SND1: variants seen among roughly 807,000 people sequenced by gnomAD.
SND1 encodes the protein staphylococcal nuclease domain-containing protein 1.
In SND1, 38 loss-of-function variants were observed where a neutral mutation model predicts 121.7. The ratio of observed to expected loss-of-function variants is 0.31; its 90% CI spans 0.24 to 0.41. SND1 has a LOEUF of 0.41. SND1 is among the 10% of genes least tolerant of loss of function. The pLI, the probability that SND1 is intolerant of heterozygous loss-of-function variation, is 1.00. For missense variants in SND1, 868 were observed against 1,184.6 expected, an observed-to-expected ratio of 0.73 and a Z score of 3.92; for synonymous variants, 401 against 447.4, an observed-to-expected ratio of 0.90 and a Z score of 1.31.
intron 5 of SND1, 110 bp downstream of exon 5, chr7:127,701,433 G>C (rs1003643825): frequency 8.9e-7 from 1 of 1,117,898 alleles, no homozygotes; most frequent in African/African-American, 1.6e-5. Context: ...TACTTATTTA[G>C]TATCCATGGG....
rs1267915857 is a variant in SND1 at position 127,964,863 on chromosome 7, G to C, written c.1670-26084G>C. The stretch of plus-strand genomic sequence containing the variant: ...CCTTGGGCAGTATGGCCATTTTCAC[G>C]ATATTGATTCTTCCTACCCATGAGC... On this transcript the variant is annotated intron_variant, in intron 15 of 23. Coordinates refer to ENST00000354725, the MANE Select transcript of SND1 (RefSeq NM_014390.4). 4.7e-4 allele frequency among the ~76,000 whole-genome samples: 43 copies of C among 91,612 alleles called. No homozygotes were observed. The East Asian group carries it at 0.01, about 21-fold the overall frequency. The allele number at this position is 91,612 out of a possible 152,430, so 60.1% of individuals were successfully genotyped here.
At chr7:127,752,458 T>C (rs1277120066) in intron 10 of SND1, among the ~76,000 whole-genome samples, 1 of 152,250 alleles carries the variant, frequency 6.6e-6, no homozygotes, top group Non-Finnish European at 1.5e-5. Flanking sequence ...CTTTCACTGC[T>C]GGACAGGCTG....
intron 10 of SND1, among the ~76,000 whole-genome samples, chr7:127,743,619 T>G (rs1020453415): frequency 4.6e-5 from 7 of 152,212 alleles, no homozygotes; most frequent in Admixed American, 4.6e-4. Flanking sequence ...TTAAAGTGAT[T>G]GGATTCAGTA....
chr7:127,944,392 G>A (rs1362973438), intron 15 of SND1, among the ~76,000 whole-genome samples: 1 of 152,184 alleles, frequency 6.6e-6, no homozygotes, highest in South Asian at 2.1e-4. Flanking sequence ...ATGAATGACC[G>A]AGTCTGTGCA....
intron 17 of SND1, 137 bp from the exon 18 acceptor site, chr7:128,081,223 C>A: frequency 9.9e-7 from 1 of 1,011,672 alleles, no homozygotes; most frequent in South Asian, 1.5e-5. Context: ...GTCTTGAACT[C>A]CTAACCTCGT....
At chr7:128,034,020 A>G (rs1406051924) in intron 16 of SND1, among the ~76,000 whole-genome samples, 2 of 152,202 alleles carry the variant, frequency 1.3e-5, no homozygotes, top group Admixed American at 1.3e-4. Flanking sequence ...TCTCCATTTC[A>G]CAGATGAAGG....
chr7:127,728,659 G>A (rs1280911586), intron 10 of SND1, among the ~76,000 whole-genome samples: 1 of 152,238 alleles, frequency 6.6e-6, no homozygotes. Flanking sequence ...GGCCAGGAAT[G>A]GCAGGGTCTT....
intron 5 of SND1, 145 bp from the exon 6 acceptor site, chr7:127,702,290 C>T (rs753194038): frequency 2.8e-5 from 19 of 673,090 alleles, no homozygotes; most frequent in Non-Finnish European, 4.8e-5. Context: ...CTCTCATGAT[C>T]TGCAAGTGCA....
intron 9 of SND1, among the ~76,000 whole-genome samples, chr7:127,709,966 C>T (rs570522441): frequency 3.3e-5 from 5 of 151,694 alleles, no homozygotes; most frequent in Non-Finnish European, 1.5e-5. Flanking sequence ...ACATGAAACA[C>T]TATGACTTGG....
At chr7:127,824,672 T>C (rs1414896502) in intron 11 of SND1, among the ~76,000 whole-genome samples, 1 of 152,226 alleles carries the variant, frequency 6.6e-6, no homozygotes, top group Non-Finnish European at 1.5e-5. Context: ...TCCTTTAATG[T>C]TTGCACATAT....
Position 128,064,043 on chromosome 7 carries a change from A to AT in SND1, c.1780-10448dup, listed in dbSNP as rs569611869. ...AAGGGTGAAGTGATCAGATTGGGAA[A>AT]TTTTTTTTTTTAAGTAACAACATTT... On this transcript the variant is annotated intron_variant, in intron 16 of 23. Coordinates refer to ENST00000354725, the MANE Select transcript of SND1 (RefSeq NM_014390.4). 3.0e-3 allele frequency among the ~76,000 whole-genome samples: 443 copies of AT among 149,834 alleles called. 6 individuals are homozygous for AT. Among genetic ancestry groups the AT allele is most frequent in the Non-Finnish European group, 3.2e-3 (218 of 67,202 alleles).
chr7:128,026,255 G>GCTTT (rs1331456897), intron 16 of SND1, among the ~76,000 whole-genome samples: 6 of 152,164 alleles, frequency 3.9e-5, no homozygotes, highest in Non-Finnish European at 8.8e-5. Context: ...TGGTGATAAA[G>GCTTT]GAGAGGCAGG....
At chr7:128,041,351 G>A (rs556694780) in intron 16 of SND1, among the ~76,000 whole-genome samples, 1 of 152,252 alleles carries the variant, frequency 6.6e-6, no homozygotes, top group Admixed American at 6.5e-5. Flanking sequence ...CCAGCCCAGC[G>A]CCCACACCAC....
intron 11 of SND1, among the ~76,000 whole-genome samples, chr7:127,839,618 A>G (rs1452473176): frequency 6.6e-6 from 1 of 152,202 alleles, no homozygotes; most frequent in Non-Finnish European, 1.5e-5. Flanking sequence ...ATACTAAACT[A>G]TTCCAGACTT....
chr7:128,041,503 G>A (rs1046019229), intron 16 of SND1, among the ~76,000 whole-genome samples: 1 of 152,238 alleles, frequency 6.6e-6, no homozygotes, highest in African/African-American at 2.4e-5. Context: ...CTTGCTCCAC[G>A]TTTTTAGAGG....
intron 16 of SND1, among the ~76,000 whole-genome samples, chr7:128,053,531 CTG>C (rs1233972254): frequency 6.6e-6 from 1 of 152,122 alleles, no homozygotes; most frequent in Non-Finnish European, 1.5e-5. Flanking sequence ...ACCTGGAAAA[CTG>C]TGGAACACAA....
chr7:127,688,100 G>A (rs1795847936), intron 2 of SND1, among the ~76,000 whole-genome samples: 2 of 152,090 alleles, frequency 1.3e-5, no homozygotes, highest in Admixed American at 1.3e-4. Flanking sequence ...TTAAAAATCA[G>A]TTTCTTAAGG....
intron 16 of SND1, among the ~76,000 whole-genome samples, chr7:128,023,295 C>T (rs999742115): frequency 6.6e-6 from 1 of 152,184 alleles, no homozygotes; most frequent in African/African-American, 2.4e-5. Flanking sequence ...TAGTGCCTCC[C>T]CACTCCCCAC....
At chr7:127,768,113 G>A (rs188888455) in intron 10 of SND1, among the ~76,000 whole-genome samples, 1 of 152,286 alleles carries the variant, frequency 6.6e-6, no homozygotes, top group Admixed American at 6.5e-5. Flanking sequence ...ACATAGAATA[G>A]GTTGGTGGGG....
Sources: gnomAD v4.1 joint callset for allele counts (sites outside exome capture counted in the v4.1 genomes callset) on GRCh38, gnomAD v4.1.1 for gene constraint, MANE v1.5 for transcripts, NCBI Gene and HGNC (gene_info 2026-07-23, HGNC 2026-07-21) for gene names.